Variants in SIPA1L3 observed in about 807,000 individuals in gnomAD.
The protein encoded by SIPA1L3 is signal-induced proliferation-associated 1-like protein 3.
Under a neutral mutation model 150.1 loss-of-function variants are expected in SIPA1L3, and 59 were observed. The ratio of observed to expected loss-of-function variants is 0.39; its 90% CI spans 0.32 to 0.49. The LOEUF (loss-of-function observed/expected upper bound fraction) is 0.49. Among genes scored for constraint, SIPA1L3 ranks in the 20% least tolerant of loss-of-function variants. The probability of loss-of-function intolerance (pLI) is 0.86; values close to 1 mark genes in which losing one functional copy is unlikely to be tolerated. For missense variants in SIPA1L3, 2,211 were observed against 2,489.5 expected (o/e 0.89, Z 2.38); for synonymous variants, 1,070 against 1,077.6 (o/e 0.99, Z 0.14).
intron 1 of SIPA1L3, among the ~76,000 whole-genome samples, chr19:38,004,081 C>G (rs541112003): frequency 6.6e-6 from 1 of 152,124 alleles, no homozygotes; most frequent in Non-Finnish European, 1.5e-5. Context: ...TCAGTGCTTT[C>G]GAATAGTAAT....
intron 3 of SIPA1L3, among the ~76,000 whole-genome samples, chr19:38,085,304 C>T (rs1305214565): frequency 2.0e-5 from 3 of 151,704 alleles, no homozygotes; most frequent in African/African-American, 7.3e-5. Context: ...CACGGTGAAA[C>T]CCTGTCTCTA....
intron 19 of SIPA1L3, among the ~76,000 whole-genome samples, 161 bp downstream of exon 19, chr19:38,198,693 G>A (rs145898274): frequency 3.2e-4 from 49 of 152,358 alleles, no homozygotes; most frequent in African/African-American, 8.7e-4. Flanking sequence ...ATGCAGCCCC[G>A]GGCAAGCGTC....
intron 21 of SIPA1L3, among the ~76,000 whole-genome samples, 155 bp from the exon 22 acceptor site, chr19:38,205,942 A>T (rs940661448): frequency 1.3e-5 from 2 of 152,192 alleles, no homozygotes; most frequent in African/African-American, 4.8e-5. Flanking sequence ...TCGGTTGTGG[A>T]GAGGCAGAGT....
chr19:37,991,381 G>A (rs1036971497), intron 1 of SIPA1L3, among the ~76,000 whole-genome samples: 14 of 152,366 alleles, frequency 9.2e-5, no homozygotes, highest in African/African-American at 3.1e-4. Context: ...GGGCCAAACC[G>A]GCTGATCTCT....
At chr19:37,922,584 G>A (rs1015641687) in intron 1 of SIPA1L3, among the ~76,000 whole-genome samples, 2 of 151,580 alleles carry the variant, frequency 1.3e-5, no homozygotes, top group African/African-American at 4.8e-5. Flanking sequence ...TAGTAGAGAC[G>A]GGGTTTCACT....
intron 13 of SIPA1L3, among the ~76,000 whole-genome samples, chr19:38,155,601 A>G (rs1440460004): frequency 6.6e-6 from 1 of 152,182 alleles, no homozygotes; most frequent in African/African-American, 2.4e-5. Context: ...ACAAATGAGC[A>G]ATGTTAGAAA....
At chr19:37,925,889 G>T (rs1330349452) in intron 1 of SIPA1L3, among the ~76,000 whole-genome samples, 1 of 152,138 alleles carries the variant, frequency 6.6e-6, no homozygotes, top group African/African-American at 2.4e-5. Context: ...ATTGCGCCCG[G>T]CCGATTTATT....
intron 17 of SIPA1L3, among the ~76,000 whole-genome samples, 160 bp downstream of exon 17, chr19:38,192,470 C>G (rs995897325): frequency 6.6e-6 from 1 of 152,236 alleles, no homozygotes; most frequent in Non-Finnish European, 1.5e-5. Flanking sequence ...GGGCTATGGG[C>G]TCATGGCTGG....
At chr19:37,927,742 G>C (rs1204962436) in intron 1 of SIPA1L3, among the ~76,000 whole-genome samples, 1 of 151,884 alleles carries the variant, frequency 6.6e-6, no homozygotes, top group East Asian at 1.9e-4. Context: ...GTGTGTGTGT[G>C]TGTGTACGTG....
At chr19:37,937,429 G>C (rs1354457643) in intron 1 of SIPA1L3, among the ~76,000 whole-genome samples, 1 of 151,890 alleles carries the variant, frequency 6.6e-6, no homozygotes, top group Non-Finnish European at 1.5e-5. Flanking sequence ...TGCTTTAAAA[G>C]AATGATTTTT....
chr19:38,006,082 AG>A (rs1421801958), intron 1 of SIPA1L3, among the ~76,000 whole-genome samples: 1 of 152,152 alleles, frequency 6.6e-6, no homozygotes, highest in Non-Finnish European at 1.5e-5. Context: ...TGAATGGTGG[AG>A]GAAAAAACTG....
intron 3 of SIPA1L3, among the ~76,000 whole-genome samples, chr19:38,084,069 C>T (rs1970069090): frequency 6.6e-6 from 1 of 152,026 alleles, no homozygotes. Flanking sequence ...AAGGGACTCT[C>T]CTGTGAAGAA....
intron 18 of SIPA1L3, among the ~76,000 whole-genome samples, chr19:38,195,673 C>T (rs1385605645): frequency 6.6e-6 from 1 of 152,098 alleles, no homozygotes; most frequent in African/African-American, 2.4e-5. Context: ...ACTCCACAGG[C>T]CGATCCGAAT....
At chr19:37,935,678 C>G (rs936745532) in intron 1 of SIPA1L3, among the ~76,000 whole-genome samples, 1 of 152,192 alleles carries the variant, frequency 6.6e-6, no homozygotes, top group African/African-American at 2.4e-5. Context: ...GGGTCCATGT[C>G]TGTCCATAGT....
chr19:38,175,553 G>A (rs1043900723), intron 15 of SIPA1L3, among the ~76,000 whole-genome samples: 3 of 152,146 alleles, frequency 2.0e-5, no homozygotes, highest in African/African-American at 7.2e-5. Flanking sequence ...AGGTGAGGAT[G>A]GAAGCACAGA....
chr19:37,909,727 C>T (rs867439899), intron 1 of SIPA1L3, among the ~76,000 whole-genome samples: 2 of 152,028 alleles, frequency 1.3e-5, no homozygotes, highest in Non-Finnish European at 2.9e-5. Flanking sequence ...ATGGTGTCAG[C>T]GGCTTAGAAT....
intron 13 of SIPA1L3, 57 bp downstream of exon 13, chr19:38,153,024 T>C: frequency 6.4e-7 from 1 of 1,570,046 alleles, no homozygotes; most frequent in Non-Finnish European, 8.6e-7. Context: ...CAGGACCTCT[T>C]ACTTAGAGCT....
chr19:38,172,676 CAGG>C (rs1214825081), intron 15 of SIPA1L3, among the ~76,000 whole-genome samples: 1 of 152,034 alleles, frequency 6.6e-6, no homozygotes, highest in East Asian at 1.9e-4. Flanking sequence ...GGGAGAGTGG[CAGG>C]AGGTCAGCAT....
chr19:37,909,215 C>T (rs2046359045), intron 1 of SIPA1L3, among the ~76,000 whole-genome samples: 1 of 152,188 alleles, frequency 6.6e-6, no homozygotes, highest in Non-Finnish European at 1.5e-5. Context: ...ACTGAAAGTT[C>T]CCCTCAGCTT....
Sources: gnomAD v4.1 joint callset for allele counts (sites outside exome capture counted in the v4.1 genomes callset) on GRCh38, gnomAD v4.1.1 for gene constraint, MANE v1.5 for transcripts, NCBI Gene and HGNC (gene_info 2026-07-23, HGNC 2026-07-21) for gene names.